The following USH2A variants were observed in gnomAD, a reference collection of about 807,000 sequenced individuals.
USH2A encodes the protein Usher syndrome 2A (autosomal recessive, mild).
USH2A carries 443 observed loss-of-function variants against 538.9 expected under a neutral mutation model. The observed-to-expected ratio is 0.82, with a 90% CI of 0.76 to 0.89. The LOEUF is 0.89. Ranked by LOEUF, USH2A falls within the 40% of genes least tolerant of loss-of-function variation. USH2A has a pLI of 0.00. For synonymous variants in USH2A, 2,413 were observed against 2,273.5 expected (o/e 1.06, Z -1.75); for missense variants, 6,633 against 6,324.8 (o/e 1.05, Z -1.65).
chr1:216,018,009 G>A (rs1465043392), intron 32 of USH2A, among the ~76,000 whole-genome samples: 1 of 150,910 alleles, frequency 6.6e-6, no homozygotes, highest in East Asian at 1.9e-4. Flanking sequence ...CAAATCAAAT[G>A]CCACACCCTA....
chr1:216,018,387 C>CAGCT (rs901574558), intron 32 of USH2A, among the ~76,000 whole-genome samples: 7 of 152,186 alleles, frequency 4.6e-5, no homozygotes, highest in African/African-American at 1.7e-4. Flanking sequence ...GCTGGAAAGA[C>CAGCT]AGCTGTACTG....
chr1:215,866,063 T>C (rs1458476783), intron 44 of USH2A, among the ~76,000 whole-genome samples: 1 of 152,198 alleles, frequency 6.6e-6, no homozygotes, highest in Non-Finnish European at 1.5e-5. Context: ...AGCAGAGTGT[T>C]CTTTCATAAA....
intron 4 of USH2A, among the ~76,000 whole-genome samples, chr1:216,332,088 C>T (rs548447969): frequency 7.9e-5 from 12 of 152,106 alleles, no homozygotes; most frequent in African/African-American, 2.7e-4. Context: ...TGAAAATGAA[C>T]AGTTTGCAAT....
chr1:215,794,784 C>A (rs934154121), intron 50 of USH2A, among the ~76,000 whole-genome samples: 1 of 151,982 alleles, frequency 6.6e-6, no homozygotes, highest in African/African-American at 2.4e-5. Context: ...GACTGGCATG[C>A]GACATCATCT....
Position 215,900,800 on chromosome 1 carries a change from T to C in USH2A, c.7406A>G (p.Tyr2469Cys), listed in dbSNP as rs763559650. The change falls in exon 39 of 72, where the codon TAC becomes TGC. Residue 2469 changes from tyrosine (Y) to cysteine (C), a missense_variant. Transcript: ENST00000307340. ...GTCGCCAGACCTCATCTGGAGTTGGTATCTGGGAGAGCCAGGAGCGTTATT... is the reference window on the plus strand; with the variant it reads ...GTCGCCAGACCTCATCTGGAGTTGGCATCTGGGAGAGCCAGGAGCGTTATT... ...ARNNAPGSPRYQLQMRSGDST... is the reference protein window; with the variant it reads ...ARNNAPGSPRCQLQMRSGDST... 4 of 1,613,650 alleles carry C rather than the reference T, an allele frequency of 2.5e-6. No homozygotes were observed. The highest frequency in any genetic ancestry group is 1.3e-5 in the African/African-American group (1 of 74,880).
chr1:215,743,418 A>G lies in USH2A; in HGVS notation c.11390-83T>C, dbSNP rs7551300. 0.016 allele frequency: 4,591 copies of G among 283,286 alleles called. 320 individuals are homozygous for G. The highest frequency in any genetic ancestry group is 0.028 in the African/African-American group (865 of 30,938). 17.5% of individuals were successfully genotyped at this position (283,286 alleles called of 1,614,324 possible). On this transcript the variant is annotated intron_variant, in intron 58 of 71. Transcript: ENST00000307340. Reference sequence around the variant, plus strand: ...TGTGTGTGTGTGTGTGTGTGTGTGTATATATATATAGACACACATATATAT... The same window carrying G: ...TGTGTGTGTGTGTGTGTGTGTGTGTGTATATATATAGACACACATATATAT...
intron 47 of USH2A, among the ~76,000 whole-genome samples, chr1:215,828,439 T>TCAA (rs1328932865): frequency 6.6e-6 from 1 of 152,098 alleles, no homozygotes; most frequent in African/African-American, 2.4e-5. Flanking sequence ...AGATCCTGTC[T>TCAA]CAACAACAAC....
intron 53 of USH2A, among the ~76,000 whole-genome samples, chr1:215,782,508 G>A (rs1308639217): frequency 6.6e-6 from 1 of 152,070 alleles, no homozygotes; most frequent in East Asian, 1.9e-4. Context: ...GATATATTCT[G>A]GGATTCAAGG....
chr1:216,154,882 T>C (rs2033907052), intron 21 of USH2A, among the ~76,000 whole-genome samples: 1 of 150,626 alleles, frequency 6.6e-6, no homozygotes. Flanking sequence ...GTAGGCGCAA[T>C]GCGTATGTGT....
intron 19 of USH2A, among the ~76,000 whole-genome samples, chr1:216,190,961 G>T (rs747426677): frequency 6.6e-6 from 1 of 151,930 alleles, no homozygotes; most frequent in Non-Finnish European, 1.5e-5. Context: ...AAACAGTTAC[G>T]TTATTTGAAA....
chr1:215,932,567 T>C (rs1252836275), intron 38 of USH2A, among the ~76,000 whole-genome samples: 1 of 152,084 alleles, frequency 6.6e-6, no homozygotes, highest in Non-Finnish European at 1.5e-5. Flanking sequence ...CGTTTCCTAA[T>C]TGTAATCAAC....
intron 30 of USH2A, among the ~76,000 whole-genome samples, chr1:216,069,425 GT>G (rs908654717): frequency 1.2e-4 from 18 of 151,854 alleles, no homozygotes; most frequent in African/African-American, 3.1e-4. Context: ...AGAGGAAAAT[GT>G]TTTTTTTCTG....
At chr1:216,058,265 C>T (rs1315814133) in intron 30 of USH2A, among the ~76,000 whole-genome samples, 2 of 148,760 alleles carry the variant, frequency 1.3e-5, no homozygotes, top group African/African-American at 5.1e-5. Flanking sequence ...ATTTTAGGTT[C>T]TCAGTATCTC....
chr1:216,196,081 G>A (rs1411041911), intron 19 of USH2A, among the ~76,000 whole-genome samples: 1 of 152,082 alleles, frequency 6.6e-6, no homozygotes, highest in Non-Finnish European at 1.5e-5. Context: ...AATTCATTTT[G>A]TTATAAGCTG....
intron 61 of USH2A, among the ~76,000 whole-genome samples, chr1:215,692,191 T>C (rs1658638174): frequency 6.6e-6 from 1 of 151,822 alleles, no homozygotes; most frequent in African/African-American, 2.4e-5. Flanking sequence ...TTTAATGGAG[T>C]GATAAGGACA....
At chr1:216,292,981 C>T (rs1406239263) in intron 9 of USH2A, among the ~76,000 whole-genome samples, 1 of 150,794 alleles carries the variant, frequency 6.6e-6, no homozygotes, top group African/African-American at 2.4e-5. Flanking sequence ...CAGTGCTTGC[C>T]TTCATCTCAC....
Position 215,648,704 on chromosome 1 carries a change from A to G in USH2A, c.14406T>C (p.Ser4802=). Residue 4802 remains serine, a synonymous_variant, in exon 66 of 72, where the codon TCT becomes TCC. Transcript: ENST00000307340. The part of the protein sequence containing the change: ...LHGLQAFTNY[S]IGVEACTCFN... Reference sequence around the variant, plus strand: ...AGCAGGTGCAGGCCTCTACTCCAATAGAGTAGTTAGTGAAGGCTTGAAGGC... The same window carrying G: ...AGCAGGTGCAGGCCTCTACTCCAATGGAGTAGTTAGTGAAGGCTTGAAGGC... 1.2e-6 allele frequency: 2 copies of G among 1,614,148 alleles called. No individual in the cohort carries two copies. Among genetic ancestry groups the G allele is most frequent in the Non-Finnish European group, 1.7e-6 (2 of 1,180,012 alleles).
At chr1:216,365,869 G>A (rs1227941859) in intron 3 of USH2A, among the ~76,000 whole-genome samples, 2 of 152,092 alleles carry the variant, frequency 1.3e-5, no homozygotes, top group East Asian at 1.9e-4. Flanking sequence ...AAAACAGGTG[G>A]CCAGCCAATT....
intron 22 of USH2A, among the ~76,000 whole-genome samples, chr1:216,093,758 A>C (rs2032363983): frequency 6.6e-6 from 1 of 152,184 alleles, no homozygotes; most frequent in Admixed American, 6.5e-5. Context: ...TGAACAACCA[A>C]TGGCCAGAAT....
Sources: gnomAD v4.1 joint callset for allele counts (sites outside exome capture counted in the v4.1 genomes callset) on GRCh38, gnomAD v4.1.1 for gene constraint, MANE v1.5 for transcripts, NCBI Gene and HGNC (gene_info 2026-07-23, HGNC 2026-07-21) for gene names.